KCNMA1: variants seen among roughly 807,000 people sequenced by gnomAD.
KCNMA1 encodes Calcium-activated potassium channel subunit alpha-1.
Under a neutral mutation model 140.0 loss-of-function variants are expected in KCNMA1, and 29 were observed. The observed-to-expected ratio is 0.21, with a 90% CI of 0.15 to 0.28. The LOEUF (loss-of-function observed/expected upper bound fraction) is 0.28. Among genes scored for constraint, KCNMA1 ranks in the 10% least tolerant of loss-of-function variants. KCNMA1 has a pLI of 1.00. For missense variants in KCNMA1, 880 were observed against 1,602.2 expected (o/e 0.55, Z 7.70); for synonymous variants, 612 against 611.9 (o/e 1.00, Z 0.00).
intron 2 of KCNMA1, among the ~76,000 whole-genome samples, chr10:77,321,814 G>A (rs765247808): frequency 6.6e-6 from 1 of 152,034 alleles, no homozygotes; most frequent in Admixed American, 6.6e-5. Flanking sequence ...AGCTTGAAAG[G>A]GTTCCTAGAA....
At chr10:77,156,939 T>C (rs1368825299) in intron 5 of KCNMA1, among the ~76,000 whole-genome samples, 4 of 152,014 alleles carry the variant, frequency 2.6e-5, no homozygotes, top group Non-Finnish European at 5.9e-5. Flanking sequence ...CACCAAACCA[T>C]CCTGAAAAAC....
At chr10:77,403,712 C>T in intron 2 of KCNMA1, 150 bp downstream of exon 2, 1 of 699,516 alleles carries the variant, frequency 1.4e-6, no homozygotes, top group East Asian at 2.7e-5. Context: ...GCCTCTCCTC[C>T]ATGACCACGC....
At chr10:76,874,139 C>T (rs1333971957), downstream of KCNMA1, 1 of 152,004 alleles carries the variant, frequency 6.6e-6, no homozygotes, top group Non-Finnish European at 1.5e-5. Flanking sequence ...AAAATTTGAC[C>T]AACGTGATGC....
At chr10:77,167,078 C>T (rs893232644) in intron 5 of KCNMA1, among the ~76,000 whole-genome samples, 5 of 152,162 alleles carry the variant, frequency 3.3e-5, no homozygotes, top group Non-Finnish European at 5.9e-5. Flanking sequence ...TTTCTTCTAT[C>T]TAAGTGTATA....
At chr10:77,274,029 A>T (rs149572828) in intron 2 of KCNMA1, among the ~76,000 whole-genome samples, 62 of 152,270 alleles carry the variant, frequency 4.1e-4, no homozygotes, top group African/African-American at 1.5e-3. Flanking sequence ...TTTCCTTTGT[A>T]CTGATGGCTA....
intron 2 of KCNMA1, among the ~76,000 whole-genome samples, chr10:77,311,576 T>G (rs532346957): frequency 6.6e-6 from 1 of 152,186 alleles, no homozygotes; most frequent in South Asian, 2.1e-4. Context: ...CTGAACTTTG[T>G]TTTTATCATT....
intron 1 of KCNMA1, among the ~76,000 whole-genome samples, chr10:77,539,247 AC>A (rs1380918352): frequency 6.6e-6 from 1 of 152,228 alleles, no homozygotes; most frequent in Non-Finnish European, 1.5e-5. Flanking sequence ...CATGATAGGT[AC>A]TAACGTTCTG....
intron 2 of KCNMA1, among the ~76,000 whole-genome samples, chr10:77,259,584 C>T (rs2061528980): frequency 6.6e-6 from 1 of 152,216 alleles, no homozygotes; most frequent in Non-Finnish European, 1.5e-5. Flanking sequence ...GCTTCCACAT[C>T]TAGACTCCAG....
At chr10:77,061,935 G>A (rs2095767963) in intron 14 of KCNMA1, among the ~76,000 whole-genome samples, 1 of 152,182 alleles carries the variant, frequency 6.6e-6, no homozygotes, top group Admixed American at 6.5e-5. Flanking sequence ...GCCTTTACAT[G>A]ACAGACTTGA....
At chr10:77,615,000 T>C (rs2088838557) in intron 1 of KCNMA1, among the ~76,000 whole-genome samples, 1 of 152,098 alleles carries the variant, frequency 6.6e-6, no homozygotes, top group Non-Finnish European at 1.5e-5. Flanking sequence ...AGGAACTTGG[T>C]GTACAGAAAG....
chr10:77,532,935 T>C (rs1453366089), intron 1 of KCNMA1, among the ~76,000 whole-genome samples: 1 of 152,194 alleles, frequency 6.6e-6, no homozygotes, highest in Non-Finnish European at 1.5e-5. Context: ...TCTCTGAGTA[T>C]GTTCTCTTGG....
At chr10:77,290,228 T>C (rs2154308754) in intron 2 of KCNMA1, among the ~76,000 whole-genome samples, 1 of 152,380 alleles carries the variant, frequency 6.6e-6, no homozygotes, top group South Asian at 2.1e-4. Flanking sequence ...AAGATGACTT[T>C]TCTTCATATT....
Position 77,216,751 on chromosome 10 carries a change from A to G in KCNMA1, c.603-31835T>C, listed in dbSNP as rs538225041. 2.6e-5 allele frequency among the ~76,000 whole-genome samples: 4 copies of G among 152,358 alleles called. 1 individual carries two copies. The South Asian group carries it at 8.3e-4, about 32-fold the overall frequency. On this transcript the variant is annotated intron_variant, in intron 3 of 27. Transcript: ENST00000286628. The stretch of plus-strand genomic sequence containing the variant: ...TCATTCATTCATAAGAAAAAATTTT[A>G]TCAAATGAGTATTATAAGCTGGATA...
At chr10:77,452,119 CCCG>C (rs1204133047) in intron 1 of KCNMA1, among the ~76,000 whole-genome samples, 1 of 152,182 alleles carries the variant, frequency 6.6e-6, no homozygotes, top group Non-Finnish European at 1.5e-5. Flanking sequence ...TGCCCTTTCC[CCCG>C]CCCTCCCACC....
At chr10:77,087,814 G>T (rs1046699237) in intron 10 of KCNMA1, among the ~76,000 whole-genome samples, 1 of 152,040 alleles carries the variant, frequency 6.6e-6, no homozygotes, top group Non-Finnish European at 1.5e-5. Context: ...CAGGTACCGT[G>T]ATAAGTCAAC....
At chr10:77,508,626 C>T (rs61625067) in intron 1 of KCNMA1, among the ~76,000 whole-genome samples, 47,708 of 113,118 alleles carry the variant, frequency 0.42, 9,461 homozygotes, top group East Asian at 0.64. Context: ...CTCTCTCTCT[C>T]TTTTTTTCTT....
chr10:77,018,923 G>A, intron 17 of KCNMA1, 90 bp downstream of exon 17: 1 of 763,532 alleles, frequency 1.3e-6, no homozygotes, highest in Non-Finnish European at 2.4e-6. Context: ...ATGTTAAGGA[G>A]TTTTGGGGTT....
chr10:77,186,062 A>C (rs2098847066), intron 3 of KCNMA1, among the ~76,000 whole-genome samples: 1 of 152,190 alleles, frequency 6.6e-6, no homozygotes, highest in Non-Finnish European at 1.5e-5. Context: ...CACTGTGTGC[A>C]ATACCAGTTA....
intron 1 of KCNMA1, among the ~76,000 whole-genome samples, chr10:77,539,828 C>T (rs764302496): frequency 6.6e-6 from 1 of 152,154 alleles, no homozygotes; most frequent in Non-Finnish European, 1.5e-5. Flanking sequence ...CTTTGCATTG[C>T]TGGGGAAGCA....
Sources: allele counts gnomAD v4.1 joint callset (sites outside exome capture counted in the v4.1 genomes callset), GRCh38; gene constraint gnomAD v4.1.1; transcripts MANE v1.5; gene names NCBI Gene and HGNC (gene_info 2026-07-23, HGNC 2026-07-21).